The following ATP13A3 variants were observed in gnomAD, a reference collection of about 807,000 sequenced individuals.
The protein encoded by ATP13A3 is ATPase 13A3, also known as polyamine-transporting ATPase 13A3.
In ATP13A3, 59 loss-of-function variants were observed where a neutral mutation model predicts 158.1. The observed-to-expected ratio is 0.37, with a 90% CI of 0.30 to 0.46. ATP13A3 has a LOEUF of 0.46. Ranked by LOEUF, ATP13A3 falls within the 20% of genes least tolerant of loss-of-function variation. The probability of loss-of-function intolerance (pLI) is 1.00; values close to 1 mark genes in which losing one functional copy is unlikely to be tolerated. For missense variants in ATP13A3, 1,166 were observed against 1,525.2 expected (o/e 0.76, Z 3.92); for synonymous variants, 491 against 504.3 (o/e 0.97, Z 0.35).
At chr3:194,429,963 G>T in intron 26 of ATP13A3, 109 bp downstream of exon 26, 1 of 1,052,268 alleles carries the variant, frequency 9.5e-7, no homozygotes, top group Non-Finnish European at 1.4e-6. Flanking sequence ...GCTCAAATGT[G>T]CTAATCTGCT....
At chr3:194,445,056 T>G (rs930492317) in intron 14 of ATP13A3, among the ~76,000 whole-genome samples, 3 of 151,332 alleles carry the variant, frequency 2.0e-5, no homozygotes, top group African/African-American at 4.9e-5. Context: ...GTGCTTATAC[T>G]ATCAAAAAAA....
chr3:194,425,271 A>G, intron 30 of ATP13A3, 71 bp downstream of exon 30: 3 of 1,342,072 alleles, frequency 2.2e-6, no homozygotes, highest in Non-Finnish European at 3.1e-6. Flanking sequence ...AAAGACAGTT[A>G]TAATTATTCT....
At chr3:194,417,665 G>A (rs748714325) in intron 31 of ATP13A3, among the ~76,000 whole-genome samples, 11 of 152,130 alleles carry the variant, frequency 7.2e-5, no homozygotes, top group East Asian at 3.9e-4. Flanking sequence ...GTGGCCAGGC[G>A]CCATGGCTCA....
chr3:194,406,351 GC>G (rs1180020472), intron 33 of ATP13A3, among the ~76,000 whole-genome samples: 1 of 152,138 alleles, frequency 6.6e-6, no homozygotes, highest in African/African-American at 2.4e-5. Context: ...GACTGCTTGA[GC>G]CCAGGAGTTC....
At chr3:194,467,112 A>G (rs919304265) in intron 2 of ATP13A3, among the ~76,000 whole-genome samples, 2 of 152,120 alleles carry the variant, frequency 1.3e-5, no homozygotes, top group African/African-American at 4.8e-5. Context: ...GTAAATCCAA[A>G]TTTTTCAATG....
intron 30 of ATP13A3, among the ~76,000 whole-genome samples, chr3:194,422,679 G>A (rs1397071289): frequency 1.3e-5 from 2 of 151,888 alleles, no homozygotes; most frequent in Admixed American, 6.6e-5. Context: ...ATGGACTATG[G>A]TATCAAAATA....
At chr3:194,425,969 C>T (rs750450359) in intron 29 of ATP13A3, among the ~76,000 whole-genome samples, 13 of 152,180 alleles carry the variant, frequency 8.5e-5, no homozygotes, top group Admixed American at 3.9e-4. Flanking sequence ...AGCGAGTCCC[C>T]GGTGCTGAGA....
chr3:194,466,817 C>T (rs1720015956), intron 2 of ATP13A3, among the ~76,000 whole-genome samples: 1 of 152,088 alleles, frequency 6.6e-6, no homozygotes, highest in East Asian at 1.9e-4. Flanking sequence ...GAGACTCCAT[C>T]ACTAAAAAAA....
At chr3:194,454,605 G>T (rs1282027178) in intron 8 of ATP13A3, among the ~76,000 whole-genome samples, 1 of 147,444 alleles carries the variant, frequency 6.8e-6, no homozygotes, top group African/African-American at 2.5e-5. Flanking sequence ...AAGGCGGGCG[G>T]ATCATGAGGT....
At chr3:194,480,983 A>T (rs1019227068) in intron 2 of ATP13A3, among the ~76,000 whole-genome samples, 16 of 152,226 alleles carry the variant, frequency 1.1e-4, no homozygotes, top group African/African-American at 3.9e-4. Flanking sequence ...ACTAGAATTG[A>T]AAGACAGAAT....
chr3:194,494,183 A>G lies in ATP13A3; in HGVS notation n.613T>C. The G allele has an allele frequency of 2.5e-6, 1 of 398,628 alleles. No homozygotes were observed. Among genetic ancestry groups the G allele is most frequent in the Non-Finnish European group, 4.4e-6 (1 of 226,112 alleles). The allele number at this position is 398,628 out of a possible 1,614,324, so 24.7% of individuals were successfully genotyped here. A position where few individuals can be genotyped will look rare whatever the true frequency, so the allele number is the denominator to read the frequency against. On this transcript the variant is annotated non_coding_transcript_exon_variant, in exon 2 of 33. Coordinates refer to the ATP13A3 transcript ENST00000687055. The surrounding 1 kb of genome is among the most constrained non-coding windows in gnomAD (Gnocchi z 4.2). ...CATCAAAACTCTGGATTATCTGTTT[A>G]AGCACCCAGACTTCCACCTCCTCAT...
chr3:194,455,489 T>C (rs1375975183), intron 8 of ATP13A3, among the ~76,000 whole-genome samples: 1 of 152,194 alleles, frequency 6.6e-6, no homozygotes, highest in African/African-American at 2.4e-5. Flanking sequence ...TACATTAAAA[T>C]CAGGTCTTCC....
rs1714710548 is a variant in ATP13A3 at position 194,402,900 on chromosome 3, GAAGT to G, written c.*3015_*3018del. The G allele has an allele frequency of 6.6e-6, 1 of 152,034 alleles. No individual in the cohort carries two copies. The allele number at this position is 152,034 out of a possible 1,614,324, so 9.4% of individuals were successfully genotyped here. On this transcript the variant is annotated 3_prime_UTR_variant, in exon 34 of 34. Transcript: ENST00000645319. ...TTAGGGAATTCACAAATCATAACTAGAAGTAACTTTTATTAATTTAATGTACACA... is the reference window on the plus strand; with the variant it reads ...TTAGGGAATTCACAAATCATAACTAGAACTTTTATTAATTTAATGTACACA...
intron 28 of ATP13A3, among the ~76,000 whole-genome samples, chr3:194,428,152 C>T (rs1007844209): frequency 1.4e-5 from 2 of 145,180 alleles, no homozygotes; most frequent in Admixed American, 7.1e-5. Context: ...ACTCGGGAGG[C>T]GGAGGTTGCA....
intron 17 of ATP13A3, among the ~76,000 whole-genome samples, chr3:194,438,071 A>C (rs892629235): frequency 4.6e-5 from 7 of 152,152 alleles, no homozygotes; most frequent in African/African-American, 1.7e-4. Flanking sequence ...GAGGCAGGAG[A>C]ATCACTTGAA....
intron 2 of ATP13A3, among the ~76,000 whole-genome samples, chr3:194,475,968 A>G (rs1368019864): frequency 3.9e-5 from 6 of 152,192 alleles, no homozygotes. Flanking sequence ...AAGCCTTACC[A>G]ACAAATTTAA....
chr3:194,450,436 T>C (rs1044917794), intron 10 of ATP13A3, 160 bp from the exon 11 acceptor site: 2 of 691,132 alleles, frequency 2.9e-6, no homozygotes, highest in Admixed American at 3.0e-5. Flanking sequence ...ATAAGATTAT[T>C]AGGCTAACAA....
intron 20 of ATP13A3, among the ~76,000 whole-genome samples, chr3:194,435,566 G>C (rs1717567948): frequency 6.6e-6 from 1 of 151,872 alleles, no homozygotes; most frequent in Non-Finnish European, 1.5e-5. Flanking sequence ...TCAGCACAAG[G>C]AACAGTCTAT....
chr3:194,446,806 A>G, intron 14 of ATP13A3, 121 bp downstream of exon 14: 1 of 968,808 alleles, frequency 1.0e-6, no homozygotes, highest in Non-Finnish European at 1.5e-6. Flanking sequence ...GAGGAAAAGG[A>G]AAATTAGAGG....
Sources: gnomAD v4.1 joint callset for allele counts (sites outside exome capture counted in the v4.1 genomes callset) on GRCh38, gnomAD v4.1.1 for gene constraint, Gnocchi (gnomAD v3.1) non-coding constraint, MANE v1.5 for transcripts, NCBI Gene and HGNC (gene_info 2026-07-23, HGNC 2026-07-21) for gene names.